Variants in LUZP2 observed in about 807,000 individuals in gnomAD.
The protein encoded by LUZP2 is leucine zipper protein 2.
A neutral mutation model predicts 51.6 loss-of-function variants in LUZP2; 52 were observed. The observed-to-expected ratio is 1.01, with a 90% confidence interval of 0.81 to 1.27. LUZP2 has a LOEUF of 1.27. Among genes scored for constraint, LUZP2 ranks in the 50% most tolerant of loss-of-function variants. LUZP2 has a pLI of 0.00. For missense variants in LUZP2, 436 were observed against 395.4 expected (o/e 1.10, Z -0.87); for synonymous variants, 154 against 137.3 (o/e 1.12, Z -0.85).
chr11:24,742,989 G>T (rs1480436411), intron 4 of LUZP2, among the ~76,000 whole-genome samples: 1 of 152,024 alleles, frequency 6.6e-6, no homozygotes, highest in East Asian at 1.9e-4. Context: ...CTTTGTCAAA[G>T]ATCAGTTGGC....
intron 1 of LUZP2, among the ~76,000 whole-genome samples, chr11:24,595,301 C>T (rs1430535169): frequency 6.6e-6 from 1 of 151,962 alleles, no homozygotes; most frequent in Admixed American, 6.6e-5. Flanking sequence ...TTTACAGATC[C>T]GGATACCCTC....
chr11:24,828,450 T>C (rs72870733), intron 5 of LUZP2, among the ~76,000 whole-genome samples: 14,024 of 151,340 alleles, frequency 0.093, 931 homozygotes, highest in South Asian at 0.29. Context: ...GATTTAGAAT[T>C]AAAAAAGTGT....
At chr11:24,828,103 C>A (rs11820261) in intron 5 of LUZP2, among the ~76,000 whole-genome samples, 6,903 of 151,938 alleles carry the variant, frequency 0.045, 326 homozygotes, top group East Asian at 0.13. Flanking sequence ...AAGGAGAAAA[C>A]TATAGAAAAA....
At chr11:24,936,574 G>C (rs1473924885) in intron 7 of LUZP2, among the ~76,000 whole-genome samples, 1 of 151,686 alleles carries the variant, frequency 6.6e-6, no homozygotes, top group Non-Finnish European at 1.5e-5. Context: ...ATGACTGTTG[G>C]AGAAGCCCCT....
chr11:24,816,297 T>C, intron 5 of LUZP2, among the ~76,000 whole-genome samples: 1 of 152,028 alleles, frequency 6.6e-6, no homozygotes. Flanking sequence ...TTTTCAGCTT[T>C]AATATTCTGT....
intron 4 of LUZP2, among the ~76,000 whole-genome samples, chr11:24,744,645 C>T (rs1387727302): frequency 1.3e-5 from 2 of 151,990 alleles, no homozygotes; most frequent in African/African-American, 4.8e-5. Flanking sequence ...TTTTATTTAT[C>T]TTTTCTAAGA....
intron 6 of LUZP2, among the ~76,000 whole-genome samples, chr11:24,913,669 T>TTTTGTGTG (rs374943014): frequency 1.3e-5 from 2 of 148,550 alleles, no homozygotes; most frequent in Middle Eastern, 3.5e-3. Context: ...ATCTATTTAT[T>TTTTGTGTG]TGTGTGTGTG....
chr11:24,748,758 A>C (rs1056309777), intron 4 of LUZP2, among the ~76,000 whole-genome samples: 3 of 152,076 alleles, frequency 2.0e-5, no homozygotes, highest in African/African-American at 7.2e-5. Context: ...CACCCAGCTG[A>C]CTTCAAAAAA....
At chr11:24,501,237 A>G (rs1288293236) in intron 1 of LUZP2, among the ~76,000 whole-genome samples, 1 of 152,194 alleles carries the variant, frequency 6.6e-6, no homozygotes, top group Non-Finnish European at 1.5e-5. Flanking sequence ...GACTTCTTAC[A>G]TTGCAGTTTT....
chr11:24,838,862 G>A (rs1478101848), intron 5 of LUZP2, among the ~76,000 whole-genome samples: 4 of 151,482 alleles, frequency 2.6e-5, no homozygotes, highest in Non-Finnish European at 5.9e-5. Context: ...TACATACTCA[G>A]GCATTTTGAA....
chr11:24,649,710 G>C (rs1020780962), intron 1 of LUZP2, among the ~76,000 whole-genome samples: 1 of 151,826 alleles, frequency 6.6e-6, no homozygotes, highest in African/African-American at 2.4e-5. Context: ...CTGGGGGCCA[G>C]GTGGTGGGAC....
At chr11:25,017,911 G>A (rs946764975) in intron 9 of LUZP2, among the ~76,000 whole-genome samples, 1 of 152,120 alleles carries the variant, frequency 6.6e-6, no homozygotes, top group Non-Finnish European at 1.5e-5. Context: ...AAATCCATGA[G>A]GATTGAATGT....
At chr11:24,566,943 A>G (rs61875642) in intron 1 of LUZP2, among the ~76,000 whole-genome samples, 32 of 3,132 alleles carry the variant, frequency 0.01, no homozygotes, top group Non-Finnish European at 0.015. Context: ...ATATATACAT[A>G]AATATATATA....
At chr11:24,775,577 T>A (rs1294912869) in intron 5 of LUZP2, among the ~76,000 whole-genome samples, 1 of 152,186 alleles carries the variant, frequency 6.6e-6, no homozygotes, top group East Asian at 1.9e-4. Context: ...GGCTGTCTTA[T>A]GGAAGTTTGC....
At chr11:25,035,810 G>A (rs1446204) in intron 9 of LUZP2, among the ~76,000 whole-genome samples, 146,072 of 152,154 alleles carry the variant, frequency 0.96, 70,372 homozygotes, top group East Asian at 1. Flanking sequence ...CATCCTAGGA[G>A]TAAAGCCTAC....
At chr11:24,756,356 A>C (rs1464872065) in intron 4 of LUZP2, among the ~76,000 whole-genome samples, 1 of 152,222 alleles carries the variant, frequency 6.6e-6, no homozygotes, top group Non-Finnish European at 1.5e-5. Flanking sequence ...ATTGTCTTCA[A>C]ATAAATCTTT....
intron 5 of LUZP2, among the ~76,000 whole-genome samples, chr11:24,788,379 G>A (rs999061843): frequency 6.6e-5 from 10 of 151,376 alleles, no homozygotes; most frequent in African/African-American, 2.2e-4. Flanking sequence ...TAGTAGAGAC[G>A]GGGTTTCACC....
chr11:24,968,488 G>A (rs762432794), intron 7 of LUZP2, among the ~76,000 whole-genome samples: 10 of 152,228 alleles, frequency 6.6e-5, no homozygotes, highest in Non-Finnish European at 1.5e-4. Context: ...GGTATTAAGA[G>A]TTTATGGGTG....
chr11:24,643,392 T>C (rs1039314276), intron 1 of LUZP2, among the ~76,000 whole-genome samples: 1 of 151,980 alleles, frequency 6.6e-6, no homozygotes, highest in East Asian at 1.9e-4. Context: ...TCATGGCTGA[T>C]TGAGACTGGA....
Sources: gnomAD v4.1 joint callset for allele counts (sites outside exome capture counted in the v4.1 genomes callset) on GRCh38, gnomAD v4.1.1 for gene constraint, MANE v1.5 for transcripts, NCBI Gene and HGNC (gene_info 2026-07-23, HGNC 2026-07-21) for gene names.